Variants in PCDH15 observed in about 807,000 individuals in gnomAD.
The protein encoded by PCDH15 is protocadherin-15.
In PCDH15, 129 loss-of-function variants were observed where a neutral mutation model predicts 178.5. That is an observed-to-expected ratio of 0.72 (90% CI 0.63 to 0.84). The LOEUF (loss-of-function observed/expected upper bound fraction) is 0.84, where lower values mean the gene tolerates loss of function less well. Ranked by LOEUF, PCDH15 falls within the 40% of genes least tolerant of loss-of-function variation. PCDH15 has a pLI of 0.00. For missense variants in PCDH15, 2,230 were observed against 2,099.9 expected (o/e 1.06, Z -1.21); for synonymous variants, 800 against 732.0 (o/e 1.09, Z -1.50).
chr10:54,769,655 A>T (rs908014564), intron 1 of PCDH15, among the ~76,000 whole-genome samples: 1 of 151,970 alleles, frequency 6.6e-6, no homozygotes, highest in Admixed American at 6.6e-5. Context: ...CATTCTGCTA[A>T]AGGTGGCATC....
rs190424205 is a variant in PCDH15, at chr10:55,328,363, A to G, written c.-155-161712T>C. On this transcript the variant is annotated intron_variant, in intron 2 of 5. Transcript: ENST00000613346. The stretch of plus-strand genomic sequence containing the variant: ...TACACAAATTTATGTGGTGCAGCCT[A>G]CTACACATGTATATGGTCTAGTCTA... Among the ~76,000 whole-genome samples the G allele has an allele frequency of 1.8e-3, 266 of 151,984 alleles. 1 individual carries two copies. The highest frequency in any genetic ancestry group is 0.014 in the South Asian group (68 of 4,826).
intron 1 of PCDH15, among the ~76,000 whole-genome samples, chr10:54,784,792 T>G (rs563967528): frequency 6.6e-6 from 1 of 152,246 alleles, no homozygotes. Flanking sequence ...TATAATATAT[T>G]ACTGCTTTTT....
intron 32 of PCDH15, chr10:53,823,002 C>T (rs1474795733): frequency 1.2e-6 from 2 of 1,614,050 alleles, no homozygotes; most frequent in Non-Finnish European, 8.5e-7. Context: ...GACTGACTGA[C>T]TCCACAGCCT....
At chr10:54,381,522 A>G (rs1949240810) in intron 3 of PCDH15, among the ~76,000 whole-genome samples, 1 of 152,122 alleles carries the variant, frequency 6.6e-6, no homozygotes, top group Non-Finnish European at 1.5e-5. Flanking sequence ...GTTTAAATGT[A>G]TTCTCTTCTT....
At chr10:54,595,509 G>A (rs1377015880) in intron 2 of PCDH15, among the ~76,000 whole-genome samples, 1 of 152,172 alleles carries the variant, frequency 6.6e-6, no homozygotes, top group Non-Finnish European at 1.5e-5. Flanking sequence ...AAGAACCAGT[G>A]CAGGAACTCT....
intron 2 of PCDH15, among the ~76,000 whole-genome samples, chr10:55,551,686 T>C (rs1842006678): frequency 2.0e-5 from 3 of 151,810 alleles, no homozygotes; most frequent in Admixed American, 2.0e-4. Context: ...AGAATACACA[T>C]TTTCAATATA....
intron 2 of PCDH15, among the ~76,000 whole-genome samples, chr10:55,579,719 C>G (rs543807825): frequency 2.0e-5 from 3 of 152,218 alleles, no homozygotes; most frequent in East Asian, 1.9e-4. Flanking sequence ...GAATTGTAAT[C>G]AATATTAACC....
chr10:54,857,803 T>G (rs1170543867), intron 3 of PCDH15, among the ~76,000 whole-genome samples: 1 of 152,138 alleles, frequency 6.6e-6, no homozygotes, highest in Non-Finnish European at 1.5e-5. Context: ...TCTTAGTGCA[T>G]GCTTGCTATT....
chr10:54,332,968 C>T (rs1377836662), intron 6 of PCDH15, among the ~76,000 whole-genome samples: 1 of 151,792 alleles, frequency 6.6e-6, no homozygotes, highest in Non-Finnish European at 1.5e-5. Flanking sequence ...GAGATGGATG[C>T]AGTCTTGCTC....
intron 8 of PCDH15, among the ~76,000 whole-genome samples, chr10:54,298,478 A>G (rs1404250909): frequency 6.6e-6 from 1 of 152,180 alleles, no homozygotes; most frequent in African/African-American, 2.4e-5. Context: ...GAGCAGGCCA[A>G]TCACCCAGTG....
intron 3 of PCDH15, among the ~76,000 whole-genome samples, chr10:54,464,900 G>A (rs950348033): frequency 3.3e-5 from 5 of 152,104 alleles, no homozygotes; most frequent in African/African-American, 1.2e-4. Flanking sequence ...GGAGGAAGGA[G>A]GGCCTAAATT....
chr10:53,894,658 T>A (rs935896609), intron 26 of PCDH15, among the ~76,000 whole-genome samples: 1 of 152,212 alleles, frequency 6.6e-6, no homozygotes, highest in African/African-American at 2.4e-5. Context: ...CAGAACTAAG[T>A]AATCTACGCT....
At chr10:54,012,599 A>T (rs77361278) in intron 20 of PCDH15, among the ~76,000 whole-genome samples, 1 of 152,208 alleles carries the variant, frequency 6.6e-6, no homozygotes, top group African/African-American at 2.4e-5. Context: ...TGGACCTTTC[A>T]GCAGAAACCC....
chr10:54,425,596 G>T (rs550655903), intron 3 of PCDH15, among the ~76,000 whole-genome samples: 1 of 152,110 alleles, frequency 6.6e-6, no homozygotes, highest in African/African-American at 2.4e-5. Context: ...TGGCTGTTTA[G>T]CTTCAGCATG....
intron 2 of PCDH15, among the ~76,000 whole-genome samples, chr10:55,388,559 G>C (rs1837717147): frequency 1.3e-5 from 2 of 151,950 alleles, no homozygotes; most frequent in Non-Finnish European, 2.9e-5. Flanking sequence ...AGATTTTGCT[G>C]GGTTAATAAT....
At chr10:55,195,275 G>A (rs1437662119) in intron 1 of PCDH15, among the ~76,000 whole-genome samples, 2 of 151,650 alleles carry the variant, frequency 1.3e-5, no homozygotes, top group Non-Finnish European at 2.9e-5. Flanking sequence ...TCCCAGCTTC[G>A]GCCTCCCAAA....
At chr10:54,411,778 C>T (rs888383631) in intron 3 of PCDH15, among the ~76,000 whole-genome samples, 1 of 152,142 alleles carries the variant, frequency 6.6e-6, no homozygotes, top group Non-Finnish European at 1.5e-5. Context: ...GCCTGTCACA[C>T]AGCACTCACA....
intron 2 of PCDH15, among the ~76,000 whole-genome samples, chr10:55,499,762 T>C (rs1840614666): frequency 6.6e-6 from 1 of 151,756 alleles, no homozygotes. Context: ...CTTCTAAGTT[T>C]AACTTGAAGT....
chr10:54,628,128 A>G (rs1340350177), intron 2 of PCDH15, among the ~76,000 whole-genome samples: 3 of 152,164 alleles, frequency 2.0e-5, no homozygotes, highest in Admixed American at 6.6e-5. Context: ...CTGTATTTTC[A>G]TAAGTTAGCA....
Sources: allele counts gnomAD v4.1 joint callset (sites outside exome capture counted in the v4.1 genomes callset), GRCh38; gene constraint gnomAD v4.1.1; transcripts MANE v1.5; gene names NCBI Gene and HGNC (gene_info 2026-07-23, HGNC 2026-07-21).